The following STK32B variants were observed in gnomAD, a reference collection of about 807,000 sequenced individuals.
STK32B encodes the protein serine/threonine kinase 32B.
A neutral mutation model predicts 52.6 loss-of-function variants in STK32B; 43 were observed. The ratio of observed to expected loss-of-function variants is 0.82; its 90% CI spans 0.64 to 1.05. The LOEUF (loss-of-function observed/expected upper bound fraction) is 1.05. Among genes scored for constraint, STK32B ranks in the 50% least tolerant of loss-of-function variants. The probability of loss-of-function intolerance (pLI) is 0.00; values close to 1 mark genes in which losing one functional copy is unlikely to be tolerated. For missense variants in STK32B, 621 were observed against 534.6 expected (o/e 1.16, Z -1.59); for synonymous variants, 238 against 204.3 (o/e 1.17, Z -1.41).
At chr4:5,277,792 AT>A (rs1464414329) in intron 3 of STK32B, among the ~76,000 whole-genome samples, 2 of 152,114 alleles carry the variant, frequency 1.3e-5, no homozygotes, top group Non-Finnish European at 2.9e-5. Context: ...ACAGATACAG[AT>A]TTTTTAAAAA....
intron 6 of STK32B, among the ~76,000 whole-genome samples, chr4:5,443,299 C>T (rs1196139056): frequency 9.4e-5 from 14 of 149,692 alleles, no homozygotes; most frequent in Admixed American, 8.1e-4. Flanking sequence ...AGGCTTTGCT[C>T]GTTTCTTTTT....
intron 5 of STK32B, among the ~76,000 whole-genome samples, chr4:5,416,228 A>G (rs1358585160): frequency 1.7e-4 from 26 of 151,770 alleles, no homozygotes; most frequent in Non-Finnish European, 5.9e-5. Flanking sequence ...TTATCTGCAC[A>G]TCACTTAGTT....
intron 11 of STK32B, among the ~76,000 whole-genome samples, chr4:5,479,125 T>TG (rs1718473899): frequency 9.0e-6 from 1 of 110,854 alleles, no homozygotes; most frequent in Non-Finnish European, 1.6e-5. Flanking sequence ...TTGTTTTTGT[T>TG]TTTTTTTTTT....
intron 3 of STK32B, among the ~76,000 whole-genome samples, chr4:5,172,735 A>G (rs2108742463): frequency 6.6e-6 from 1 of 152,292 alleles, no homozygotes; most frequent in South Asian, 2.1e-4. Context: ...GGATTTTTGC[A>G]TCAAGGTTCA....
intron 3 of STK32B, among the ~76,000 whole-genome samples, chr4:5,318,291 T>A (rs28369605): frequency 0.24 from 36,131 of 151,924 alleles, 7,057 homozygotes; most frequent in African/African-American, 0.55. Flanking sequence ...TGGGGCTTCT[T>A]AAAACAGGCA....
At chr4:5,416,286 A>G (rs544822895) in intron 5 of STK32B, among the ~76,000 whole-genome samples, 126 of 152,002 alleles carry the variant, frequency 8.3e-4, no homozygotes, top group African/African-American at 2.7e-3. Flanking sequence ...ATGTTTCTTG[A>G]ACACCTACTT....
chr4:5,042,974 C>A, the STK32B span, among the ~76,000 whole-genome samples: 1 of 151,658 alleles, frequency 6.6e-6, no homozygotes, highest in African/African-American at 2.4e-5. Context: ...GGCGCGGTGG[C>A]GGGCGCCTGT....
chr4:5,476,586 T>C (rs954573338), intron 11 of STK32B, among the ~76,000 whole-genome samples: 7 of 152,052 alleles, frequency 4.6e-5, no homozygotes, highest in Non-Finnish European at 1.0e-4. Context: ...AGACTCTGCC[T>C]GAGAACCCTG....
chr4:5,436,481 A>T (rs1714091298), intron 6 of STK32B: 3 of 474,122 alleles, frequency 6.3e-6, no homozygotes, highest in South Asian at 1.8e-4. Context: ...TTTAGCAGGG[A>T]ATACCATCAT....
intron 2 of STK32B, chr4:5,140,234 AG>A: frequency 6.9e-7 from 1 of 1,456,682 alleles, no homozygotes; most frequent in Non-Finnish European, 9.1e-7. Flanking sequence ...AATCTAAGTG[AG>A]GAAAGTTGAA....
intron 3 of STK32B, among the ~76,000 whole-genome samples, chr4:5,300,085 T>C (rs981662010): frequency 6.6e-6 from 1 of 152,188 alleles, no homozygotes; most frequent in Non-Finnish European, 1.5e-5. Context: ...AAAAAGTTAA[T>C]TGGCCATGAT....
intron 3 of STK32B, among the ~76,000 whole-genome samples, chr4:5,178,090 G>A (rs1242959257): frequency 6.6e-6 from 1 of 152,190 alleles, no homozygotes; most frequent in Non-Finnish European, 1.5e-5. Flanking sequence ...TTTCCCTTCT[G>A]CATTGCCCTA....
At chr4:5,454,127 C>G (rs1332619218) in intron 7 of STK32B, among the ~76,000 whole-genome samples, 1 of 152,146 alleles carries the variant, frequency 6.6e-6, no homozygotes, top group Non-Finnish European at 1.5e-5. Flanking sequence ...GCAGGAGGGA[C>G]CATGTCTGTC....
At chr4:5,485,826 G>A (rs1016933465) in intron 11 of STK32B, among the ~76,000 whole-genome samples, 2 of 152,206 alleles carry the variant, frequency 1.3e-5, no homozygotes, top group Admixed American at 6.5e-5. Context: ...TCAGCTGCAG[G>A]TCTGTTGGAG....
intron 3 of STK32B, among the ~76,000 whole-genome samples, chr4:5,231,673 C>T (rs1282508812): frequency 1.3e-5 from 2 of 151,980 alleles, no homozygotes; most frequent in Admixed American, 1.3e-4. Flanking sequence ...AAGAGTAGTT[C>T]TCAATGGGAT....
At chr4:5,033,196 A>T in the STK32B span, among the ~76,000 whole-genome samples, 15 of 152,322 alleles carry the variant, frequency 9.8e-5, no homozygotes, top group African/African-American at 3.6e-4. Flanking sequence ...CGCTGGCGGA[A>T]TGAGGGAATG....
intron 11 of STK32B, among the ~76,000 whole-genome samples, chr4:5,474,357 CCT>C (rs1443427765): frequency 6.6e-6 from 1 of 152,166 alleles, no homozygotes; most frequent in African/African-American, 2.4e-5. Context: ...GAAGCTCCAG[CCT>C]CTCTGAGCCT....
intron 3 of STK32B, among the ~76,000 whole-genome samples, chr4:5,297,008 A>G (rs1729245191): frequency 1.3e-5 from 2 of 152,138 alleles, no homozygotes; most frequent in Non-Finnish European, 2.9e-5. Flanking sequence ...GCTTGTCTGT[A>G]AAGGATTTTA....
intron 2 of STK32B, among the ~76,000 whole-genome samples, chr4:5,163,588 G>A (rs969963639): frequency 6.6e-6 from 1 of 151,024 alleles, no homozygotes. Context: ...GTGTAAGAGA[G>A]AGAGAGAGAT....
Sources: gnomAD v4.1 joint callset for allele counts (sites outside exome capture counted in the v4.1 genomes callset) on GRCh38, gnomAD v4.1.1 for gene constraint, MANE v1.5 for transcripts, NCBI Gene and HGNC (gene_info 2026-07-23, HGNC 2026-07-21) for gene names.